RWDD1: variants seen among roughly 807,000 people sequenced by gnomAD.
RWDD1 encodes the protein RWD domain-containing protein 1.
Under a neutral mutation model 31.6 loss-of-function variants are expected in RWDD1, and 17 were observed. The observed-to-expected ratio is 0.54, with a 90% confidence interval of 0.37 to 0.81. The LOEUF (loss-of-function observed/expected upper bound fraction) is 0.81. Among genes scored for constraint, RWDD1 ranks in the 30% least tolerant of loss-of-function variants. The pLI, the probability that RWDD1 is intolerant of heterozygous loss-of-function variation, is 0.00. For missense variants in RWDD1, 204 were observed against 274.5 expected (o/e 0.74, Z 1.82); for synonymous variants, 78 against 94.2 (o/e 0.83, Z 0.99).
intron 1 of RWDD1, among the ~76,000 whole-genome samples, chr6:116,575,210 C>A (rs908142650): frequency 3.3e-5 from 5 of 151,646 alleles, no homozygotes; most frequent in African/African-American, 1.2e-4. Context: ...CCTCACCTTC[C>A]CAAGTAGTTG....
chr6:116,588,798 A>G (rs1775084803), intron 3 of RWDD1, 44 bp from the exon 4 acceptor site: 7 of 1,434,286 alleles, frequency 4.9e-6, no homozygotes, highest in Non-Finnish European at 6.5e-6. Flanking sequence ...ATGGACTTTT[A>G]TTTTTCTGAG....
At chr6:116,580,109 C>A in intron 1 of RWDD1, 186 bp from the exon 2 acceptor site, 1 of 370,880 alleles carries the variant, frequency 2.7e-6, no homozygotes, top group Non-Finnish European at 4.8e-6. Flanking sequence ...TTAAAGACAA[C>A]CCTCCATTTA....
rs920823153 is a variant in RWDD1, at chr6:116,596,511, A to T, written c.*3410A>T. On this transcript the variant is annotated 3_prime_UTR_variant, in exon 7 of 7. Transcript: ENST00000466444. ...TGGACAAAGCCATGAAAGGACTTTT[A>T]AAATTTTGTCATAAAAATAGCCAAT... is the stretch of plus-strand genomic sequence containing the variant. The T allele has an allele frequency of 6.6e-6, 1 of 152,218 alleles. No individual in the cohort carries two copies. Among genetic ancestry groups the T allele is most frequent in the African/African-American group, 2.4e-5 (1 of 41,454 alleles). 9.4% of individuals were successfully genotyped at this position (152,218 alleles called of 1,614,324 possible).
At chr6:116,588,653 T>C (rs1775082321) in intron 3 of RWDD1, among the ~76,000 whole-genome samples, 189 bp from the exon 4 acceptor site, 1 of 152,112 alleles carries the variant, frequency 6.6e-6, no homozygotes, top group Non-Finnish European at 1.5e-5. Context: ...ACAGTATCTG[T>C]TTCAGGTTGG....
At chr6:116,583,233 G>T (rs1464666612) in intron 2 of RWDD1, among the ~76,000 whole-genome samples, 1 of 152,054 alleles carries the variant, frequency 6.6e-6, no homozygotes, top group Admixed American at 6.6e-5. Flanking sequence ...TACCTTGGCT[G>T]TCCAAAGTAC....
At chr6:116,584,660 A>AT in intron 2 of RWDD1, 67 bp from the exon 3 acceptor site, 2 of 1,402,662 alleles carry the variant, frequency 1.4e-6, no homozygotes, top group Non-Finnish European at 2.0e-6. Flanking sequence ...CTTTCTACTG[A>AT]TTCAGCAAAG....
chr6:116,585,917 C>T (rs532524080), intron 3 of RWDD1, among the ~76,000 whole-genome samples: 64 of 152,280 alleles, frequency 4.2e-4, no homozygotes, highest in Middle Eastern at 3.4e-3. Context: ...CCTCAGCCTC[C>T]CAGAGTGCTG....
intron 1 of RWDD1, among the ~76,000 whole-genome samples, chr6:116,577,060 A>G (rs1365839500): frequency 2.0e-5 from 3 of 152,228 alleles, no homozygotes; most frequent in African/African-American, 7.2e-5. Context: ...GTGGCTTCAC[A>G]AATAAAATAG....
chr6:116,575,085 T>C (rs768305550), intron 1 of RWDD1, among the ~76,000 whole-genome samples: 1 of 151,870 alleles, frequency 6.6e-6, no homozygotes. Context: ...TTACTCTTTT[T>C]CTCAAAAAAA....
At chr6:116,588,755 G>T (rs1775083886) in intron 3 of RWDD1, 87 bp from the exon 4 acceptor site, 3 of 857,194 alleles carry the variant, frequency 3.5e-6, no homozygotes, top group Non-Finnish European at 5.1e-6. Flanking sequence ...TATGAACATA[G>T]AATATAACCA....
At chr6:116,574,395 C>T (rs1210752015) in intron 1 of RWDD1, among the ~76,000 whole-genome samples, 1 of 152,166 alleles carries the variant, frequency 6.6e-6, no homozygotes, top group Non-Finnish European at 1.5e-5. Flanking sequence ...GGTAAGAAGT[C>T]GTCCTGTAAA....
At chr6:116,579,972 A>AT (rs959134936) in intron 1 of RWDD1, among the ~76,000 whole-genome samples, 13 of 152,132 alleles carry the variant, frequency 8.5e-5, no homozygotes, top group Admixed American at 2.6e-4. Context: ...TATTTTTGGG[A>AT]TTTTTTAAGA....
chr6:116,573,091 T>C (rs1774774795), intron 1 of RWDD1: 8 of 737,674 alleles, frequency 1.1e-5, no homozygotes, highest in Non-Finnish European at 1.3e-5. Context: ...TCATGTTTGG[T>C]CATTTCCAGT....
rs149038911 is a variant in RWDD1 at position 116,579,912 on chromosome 6, A to G, written c.74-383A>G. Among the ~76,000 whole-genome samples the G allele has an allele frequency of 4.6e-5, 7 of 152,352 alleles. No individual in the cohort carries two copies. The East Asian group carries it at 1.2e-3, about 25-fold the overall frequency. ...ATATAAGTATAAAAATCAGTGAAACATGAGTATCAGTGGGTAGTTTCAGGT... is the reference window on the plus strand; with the variant it reads ...ATATAAGTATAAAAATCAGTGAAACGTGAGTATCAGTGGGTAGTTTCAGGT... On this transcript the variant is annotated intron_variant, in intron 1 of 6. Coordinates refer to ENST00000466444, the MANE Select transcript of RWDD1 (RefSeq NM_015952.4).
intron 3 of RWDD1, among the ~76,000 whole-genome samples, chr6:116,587,569 T>G (rs1775065325): frequency 6.6e-6 from 1 of 152,170 alleles, no homozygotes; most frequent in Non-Finnish European, 1.5e-5. Flanking sequence ...CTGATTGGTT[T>G]GCGAAGCTAT....
chr6:116,596,038 CAGAA>C lies in RWDD1; in HGVS notation c.*2942_*2945del, dbSNP rs1234405296. 1 of 152,116 alleles carries C rather than the reference CAGAA, an allele frequency of 6.6e-6. No individual in the cohort carries two copies. Among genetic ancestry groups the C allele is most frequent in the African/African-American group, 2.4e-5 (1 of 41,418 alleles). The allele number at this position is 152,116 out of a possible 1,614,324, so 9.4% of individuals were successfully genotyped here. A position where few individuals can be genotyped will look rare whatever the true frequency, so the allele number is the denominator to read the frequency against. Reference sequence around the variant, plus strand: ...AGCAAAGAGATGCACTCTTGTATTCCAGAAAGAAGATGATTTGTAAGTGTTCAGT... The same window carrying C: ...AGCAAAGAGATGCACTCTTGTATTCCAGAAGATGATTTGTAAGTGTTCAGT... On this transcript the variant is annotated 3_prime_UTR_variant, in exon 7 of 7. Coordinates refer to ENST00000466444, the MANE Select transcript of RWDD1 (RefSeq NM_015952.4).
chr6:116,573,404 G>A (rs1774782220), intron 1 of RWDD1, among the ~76,000 whole-genome samples: 1 of 152,076 alleles, frequency 6.6e-6, no homozygotes, highest in Non-Finnish European at 1.5e-5. Flanking sequence ...ATGCATTCAG[G>A]TATTCTGCAT....
chr6:116,571,504 C>T lies in RWDD1; in HGVS notation c.-79C>T. The T allele has an allele frequency of 2.0e-6, 3 of 1,466,160 alleles. No individual in the cohort carries two copies. Among genetic ancestry groups the T allele is most frequent in the South Asian group, 1.3e-5 (1 of 78,546 alleles). The allele number at this position is 1,466,160 out of a possible 1,614,324, so 90.8% of individuals were successfully genotyped here. On this transcript the variant is annotated 5_prime_UTR_variant, in exon 1 of 7. Coordinates refer to ENST00000466444, the MANE Select transcript of RWDD1 (RefSeq NM_015952.4). Reference sequence around the variant, plus strand: ...TGCGCCCGCCTGGCCGCCGCCCGCTCTCCCGGCGCGGCAGCTGTCTGGGCT... The same window carrying T: ...TGCGCCCGCCTGGCCGCCGCCCGCTTTCCCGGCGCGGCAGCTGTCTGGGCT...
At chr6:116,576,265 A>G (rs1774838024) in intron 1 of RWDD1, among the ~76,000 whole-genome samples, 1 of 152,260 alleles carries the variant, frequency 6.6e-6, no homozygotes, top group Non-Finnish European at 1.5e-5. Flanking sequence ...ACTCTTTACT[A>G]GAAATACCAT....
Sources: allele counts gnomAD v4.1 joint callset (sites outside exome capture counted in the v4.1 genomes callset), GRCh38; gene constraint gnomAD v4.1.1; transcripts MANE v1.5; gene names NCBI Gene and HGNC (gene_info 2026-07-23, HGNC 2026-07-21).